Variants in COL17A1 observed in about 807,000 individuals in gnomAD.
COL17A1 encodes the protein collagen type XVII alpha 1 chain, also known as collagen alpha-1(XVII) chain.
In COL17A1, 181 loss-of-function variants were observed where a neutral mutation model predicts 218.4. The ratio of observed to expected loss-of-function variants is 0.83; its 90% confidence interval spans 0.73 to 0.94. The LOEUF (loss-of-function observed/expected upper bound fraction) is 0.94. Ranked by LOEUF, COL17A1 falls within the 40% of genes least tolerant of loss-of-function variation. The pLI is 0.00. For missense variants in COL17A1, 1,924 were observed against 1,945.9 expected, an observed-to-expected ratio of 0.99 and a Z score of 0.21; for synonymous variants, 721 against 731.0, an observed-to-expected ratio of 0.99 and a Z score of 0.22.
At position 104,034,816 on chromosome 10, in the gene COL17A1, G is replaced by T. The variant is rs780962697; in HGVS notation, c.3620-49C>A. The T allele has an allele frequency of 3.3e-5, 52 of 1,598,500 alleles. No individual in the cohort carries two copies. The South Asian group carries it at 5.6e-4, about 17-fold the overall frequency. ...AGGTCGGGGTAGTGCTGCGGAGGAA[G>T]CTGAATTCCCAGCCTGTGCTCGGGG... On this transcript the variant is annotated intron_variant, in intron 50 of 55. Transcript: ENST00000648076.
intron 1 of COL17A1, among the ~76,000 whole-genome samples, chr10:104,085,214 T>G (rs2086795618): frequency 6.6e-6 from 1 of 152,184 alleles, no homozygotes. Flanking sequence ...ACAGCAATGT[T>G]TACCATGTAT....
At chr10:104,056,222 C>A (rs1287529585) in intron 17 of COL17A1, among the ~76,000 whole-genome samples, 2 of 152,188 alleles carry the variant, frequency 1.3e-5, no homozygotes, top group Non-Finnish European at 2.9e-5. Flanking sequence ...AGTCAGTCTT[C>A]TCATCTGAGC....
chr10:104,046,361 G>A (rs936254338), intron 32 of COL17A1, among the ~76,000 whole-genome samples: 9 of 152,166 alleles, frequency 5.9e-5, no homozygotes, highest in Admixed American at 2.0e-4. Context: ...CAGAGAAACT[G>A]GGCTTTCCCG....
intron 19 of COL17A1, 91 bp from the exon 20 acceptor site, chr10:104,055,098 T>C: frequency 6.3e-7 from 1 of 1,592,852 alleles, no homozygotes; most frequent in Non-Finnish European, 8.6e-7. Flanking sequence ...TGACAAGATG[T>C]AAACTGTATT....
At chr10:104,055,157 G>A in intron 19 of COL17A1, 150 bp from the exon 20 acceptor site, 1 of 1,480,314 alleles carries the variant, frequency 6.8e-7, no homozygotes, top group Non-Finnish European at 9.2e-7. Flanking sequence ...CAGAGTCTAT[G>A]TCATTTGGGC....
Position 104,045,802 on chromosome 10 carries a change from A to T in COL17A1, c.2363-9T>A. ...AGGGGTACCGGGAAGTCCTGATGTG[A>T]TTAGAACAAGTAGTCAGGACGATGA... On this transcript the variant is annotated splice_polypyrimidine_tract_variant and intron_variant, in intron 32 of 55. Coordinates refer to ENST00000648076, the MANE Select transcript of COL17A1 (RefSeq NM_000494.4). The T allele has an allele frequency of 6.2e-7, 1 of 1,611,030 alleles. No individual in the cohort carries two copies. Among genetic ancestry groups the T allele is most frequent in the Non-Finnish European group, 8.5e-7 (1 of 1,177,114 alleles).
At chr10:104,057,803 C>T (rs72821460) in intron 16 of COL17A1, among the ~76,000 whole-genome samples, 120 of 152,228 alleles carry the variant, frequency 7.9e-4, no homozygotes, top group Non-Finnish European at 1.4e-3. Context: ...GGGCTGGAGG[C>T]GTGCATGGCT....
At chr10:104,046,558 G>A (rs893440285) in intron 32 of COL17A1, among the ~76,000 whole-genome samples, 189 bp downstream of exon 32, 1 of 152,206 alleles carries the variant, frequency 6.6e-6, no homozygotes, top group Non-Finnish European at 1.5e-5. Flanking sequence ...TACTCGAATG[G>A]TGTTCTAGAT....
chr10:104,080,597 A>C (rs767429858), intron 2 of COL17A1, 25 bp downstream of exon 2: 3 of 1,610,356 alleles, frequency 1.9e-6, no homozygotes, highest in Non-Finnish European at 1.7e-6. Flanking sequence ...AAAACACATA[A>C]ATTAAAAAAT....
chr10:104,032,533 C>T (rs1304909549), intron 55 of COL17A1, 141 bp downstream of exon 55: 3 of 938,514 alleles, frequency 3.2e-6, no homozygotes, highest in Admixed American at 1.9e-5. Flanking sequence ...GCAAATTCTG[C>T]TTTTGGCAGT....
intron 29 of COL17A1, among the ~76,000 whole-genome samples, chr10:104,048,904 A>G (rs558129130): frequency 3.3e-5 from 5 of 151,386 alleles, no homozygotes; most frequent in African/African-American, 9.7e-5. Flanking sequence ...TGGTGTAATC[A>G]TGGCTCACTG....
intron 9 of COL17A1, 145 bp from the exon 10 acceptor site, chr10:104,064,741 G>T: frequency 1.3e-6 from 1 of 791,952 alleles, no homozygotes; most frequent in Non-Finnish European, 2.1e-6. Context: ...CCAGGAACCT[G>T]GGGTAGTTTC....
At chr10:104,062,372 G>A in intron 11 of COL17A1, 43 bp from the exon 12 acceptor site, 1 of 1,613,560 alleles carries the variant, frequency 6.2e-7, no homozygotes, top group Non-Finnish European at 8.5e-7. Context: ...GGAGCACGGG[G>A]GATGCCCCCT....
intron 8 of COL17A1, among the ~76,000 whole-genome samples, chr10:104,071,323 C>CA (rs1353451974): frequency 1.3e-5 from 2 of 152,184 alleles, no homozygotes; most frequent in Non-Finnish European, 2.9e-5. Flanking sequence ...GGCCTGGAGT[C>CA]AGACTCCACA....
rs2086241582 is a variant in COL17A1, at chr10:104,033,857, C to T, written c.4156+88G>A. 3.2e-6 allele frequency: 5 copies of T among 1,586,408 alleles called. No individual in the cohort carries two copies. In the Admixed American group the frequency reaches 8.4e-5, roughly 27 times the overall value. ...TGCCTGCTTGATTCTGTCTTCACAG[C>T]CTGGGGGTTCCACAAACAAGAAAGC... On this transcript the variant is annotated intron_variant, in intron 52 of 55. Coordinates refer to ENST00000648076, the MANE Select transcript of COL17A1 (RefSeq NM_000494.4).
intron 28 of COL17A1, 87 bp from the exon 29 acceptor site, chr10:104,049,558 CAAGG>C: frequency 7.0e-7 from 1 of 1,418,570 alleles, no homozygotes; most frequent in South Asian, 1.2e-5. Context: ...TCCAAGAGGT[CAAGG>C]AAGCAGCTTC....
Position 104,038,231 on chromosome 10 carries a change from TACACACACACACACACACAC to T in COL17A1, c.3070+155_3070+174del, listed in dbSNP as rs59808906. Among the ~76,000 whole-genome samples the T allele has an allele frequency of 0.66, 94,476 of 142,142 alleles. 33,605 individuals are homozygous for T. The highest frequency in any genetic ancestry group is 0.8 in the Non-Finnish European group (51,727 of 64,620). The allele number at this position is 142,142 out of a possible 152,430, so 93.3% of individuals were successfully genotyped here. A position where few individuals can be genotyped will look rare whatever the true frequency, so the allele number is the denominator to read the frequency against. On this transcript the variant is annotated intron_variant, in intron 45 of 55. Transcript: ENST00000648076. ...CTGGGCCTGGACACATAGACACACA[TACACACACACACACACACAC>T]ACACACACACACACACACACACACA...
intron 4 of COL17A1, among the ~76,000 whole-genome samples, 183 bp from the exon 5 acceptor site, chr10:104,076,612 G>C (rs972051881): frequency 1.3e-5 from 2 of 152,146 alleles, no homozygotes; most frequent in African/African-American, 4.8e-5. Flanking sequence ...TTATTGCCTG[G>C]GAACGTCCTT....
chr10:104,054,078 CAG>C lies in COL17A1; in HGVS notation c.1771+12_1771+13del, dbSNP rs2086496089. 1 of 1,612,974 alleles carries C rather than the reference CAG, an allele frequency of 6.2e-7. No homozygotes were observed. Among genetic ancestry groups the C allele is most frequent in the African/African-American group, 1.3e-5 (1 of 74,902 alleles). The stretch of plus-strand genomic sequence containing the variant: ...CAACACTGGCAGGCCTGGAGGTCAT[CAG>C]AGAGTACATACCTGGAGTCCCAGGG... On this transcript the variant is annotated intron_variant, in intron 21 of 55. Transcript: ENST00000648076.
Sources: gnomAD v4.1 joint callset for allele counts (sites outside exome capture counted in the v4.1 genomes callset) on GRCh38, gnomAD v4.1.1 for gene constraint, MANE v1.5 for transcripts, NCBI Gene and HGNC (gene_info 2026-07-23, HGNC 2026-07-21) for gene names.